The following CDH13 variants were observed in gnomAD, a reference collection of about 807,000 sequenced individuals.
CDH13 encodes the protein cadherin 13, also known as cadherin-13.
A neutral mutation model predicts 63.8 loss-of-function variants in CDH13; 24 were observed. The observed-to-expected ratio is 0.38, with a 90% CI of 0.27 to 0.53. The LOEUF (loss-of-function observed/expected upper bound fraction) is 0.53, where lower values mean the gene tolerates loss of function less well. Ranked by LOEUF, CDH13 falls within the 20% of genes least tolerant of loss-of-function variation. The probability of loss-of-function intolerance (pLI) is 0.85; values close to 1 mark genes in which losing one functional copy is unlikely to be tolerated. For missense variants in CDH13, 1,049 were observed against 903.1 expected (o/e 1.16, Z -2.07); for synonymous variants, 503 against 355.3 (o/e 1.42, Z -4.67).
At chr16:83,400,098 C>G (rs2091945471) in intron 6 of CDH13, among the ~76,000 whole-genome samples, 1 of 151,522 alleles carries the variant, frequency 6.6e-6, no homozygotes, top group Non-Finnish European at 1.5e-5. Context: ...AAGGAGCATG[C>G]TGAGGCCTAG....
At chr16:83,212,172 G>C (rs1297775534) in intron 4 of CDH13, among the ~76,000 whole-genome samples, 1 of 152,168 alleles carries the variant, frequency 6.6e-6, no homozygotes, top group Non-Finnish European at 1.5e-5. Flanking sequence ...GCATAATCAA[G>C]GTGGTCTGGA....
At chr16:83,538,825 C>A (rs933457873) in intron 7 of CDH13, among the ~76,000 whole-genome samples, 49 of 152,220 alleles carry the variant, frequency 3.2e-4, no homozygotes, top group African/African-American at 1.2e-3. Context: ...GCTTGGATAC[C>A]TGGAAGTGGA....
chr16:83,132,223 A>G (rs2036084653), intron 4 of CDH13, among the ~76,000 whole-genome samples: 1 of 152,050 alleles, frequency 6.6e-6, no homozygotes, highest in Admixed American at 6.6e-5. Context: ...GCACCTCTCC[A>G]TCACCCCTCT....
chr16:83,498,808 C>T (rs1352691568), intron 7 of CDH13, among the ~76,000 whole-genome samples: 1 of 152,188 alleles, frequency 6.6e-6, no homozygotes, highest in African/African-American at 2.4e-5. Flanking sequence ...TTTGGTGGAA[C>T]TTTCATTCTC....
intron 7 of CDH13, among the ~76,000 whole-genome samples, chr16:83,595,722 C>T (rs1458237296): frequency 1.3e-5 from 2 of 152,190 alleles, no homozygotes; most frequent in African/African-American, 4.8e-5. Flanking sequence ...CGCAATCAGC[C>T]ACACAAGTCC....
chr16:83,762,177 A>G (rs774345501), intron 11 of CDH13, among the ~76,000 whole-genome samples: 2 of 152,214 alleles, frequency 1.3e-5, no homozygotes, highest in African/African-American at 2.4e-5. Flanking sequence ...GCTGTGGCCA[A>G]ATGACTTGAT....
chr16:83,336,634 A>G (rs972019956), intron 5 of CDH13, among the ~76,000 whole-genome samples: 31 of 152,352 alleles, frequency 2.0e-4, no homozygotes, highest in Non-Finnish European at 1.3e-4. Flanking sequence ...ATGTTGAACT[A>G]TATCATCTCA....
chr16:82,809,154 C>T (rs1297550444), intron 1 of CDH13, among the ~76,000 whole-genome samples: 2 of 152,062 alleles, frequency 1.3e-5, no homozygotes, highest in Non-Finnish European at 1.5e-5. Context: ...AAATTTCACT[C>T]CTCCCCAACA....
chr16:83,091,800 G>C, intron 3 of CDH13, among the ~76,000 whole-genome samples: 1 of 152,086 alleles, frequency 6.6e-6, no homozygotes, highest in Non-Finnish European at 1.5e-5. Context: ...GCACATGGTG[G>C]GTGTATAATA....
chr16:83,742,724 T>A (rs556632815), intron 10 of CDH13, among the ~76,000 whole-genome samples: 50 of 152,292 alleles, frequency 3.3e-4, no homozygotes, highest in African/African-American at 1.2e-3. Context: ...TCGGGAACGA[T>A]GGCTCCACCG....
intron 7 of CDH13, among the ~76,000 whole-genome samples, chr16:83,557,070 T>A (rs936419967): frequency 6.6e-6 from 1 of 152,214 alleles, no homozygotes; most frequent in Admixed American, 6.5e-5. Context: ...TCCCCATTGC[T>A]CCCATTACTT....
chr16:82,661,071 A>C (rs1259311095), intron 1 of CDH13, among the ~76,000 whole-genome samples: 1 of 152,166 alleles, frequency 6.6e-6, no homozygotes, highest in Non-Finnish European at 1.5e-5. Context: ...GGGGCTCTTG[A>C]GAGAGTGATG....
chr16:82,907,938 T>A (rs1057032628), intron 2 of CDH13, among the ~76,000 whole-genome samples: 3 of 152,140 alleles, frequency 2.0e-5, no homozygotes, highest in Non-Finnish European at 2.9e-5. Flanking sequence ...CTTCAAAAAA[T>A]TTTTTTCCAC....
chr16:83,457,543 T>C (rs966818335), intron 6 of CDH13, among the ~76,000 whole-genome samples: 4 of 152,184 alleles, frequency 2.6e-5, no homozygotes, highest in African/African-American at 9.7e-5. Flanking sequence ...AAATCACAGA[T>C]GTTGTCGTTG....
intron 6 of CDH13, among the ~76,000 whole-genome samples, chr16:83,470,238 T>A (rs1250079392): frequency 6.6e-6 from 1 of 152,154 alleles, no homozygotes; most frequent in Non-Finnish European, 1.5e-5. Context: ...TTGCTTTTTT[T>A]AGAGAAAGGT....
At chr16:83,159,804 G>A (rs1363446748) in intron 4 of CDH13, among the ~76,000 whole-genome samples, 1 of 152,144 alleles carries the variant, frequency 6.6e-6, no homozygotes, top group African/African-American at 2.4e-5. Context: ...CCTGGGCACG[G>A]TGGGTCATGT....
chr16:83,076,910 G>A (rs2032879825), intron 3 of CDH13, among the ~76,000 whole-genome samples: 1 of 151,630 alleles, frequency 6.6e-6, no homozygotes, highest in Admixed American at 6.6e-5. Context: ...AAAAGTAATG[G>A]CAAAAACCGC....
At chr16:82,945,839 CA>C (rs1338670441) in intron 2 of CDH13, among the ~76,000 whole-genome samples, 1 of 152,098 alleles carries the variant, frequency 6.6e-6, no homozygotes, top group Non-Finnish European at 1.5e-5. Flanking sequence ...GTTAGAGAGT[CA>C]AGATAAAATA....
chr16:83,050,853 C>T (rs1185940767), intron 3 of CDH13, among the ~76,000 whole-genome samples: 2 of 152,122 alleles, frequency 1.3e-5, no homozygotes, highest in Non-Finnish European at 2.9e-5. Context: ...TCTTGCAGTG[C>T]CATCCTCGTC....
Sources: gnomAD v4.1 joint callset for allele counts (sites outside exome capture counted in the v4.1 genomes callset) on GRCh38, gnomAD v4.1.1 for gene constraint, MANE v1.5 for transcripts, NCBI Gene and HGNC (gene_info 2026-07-23, HGNC 2026-07-21) for gene names.